The following RC3H1 variants were observed in gnomAD, a reference collection of about 807,000 sequenced individuals.
The protein encoded by RC3H1 is roquin-1.
Under a neutral mutation model 138.2 loss-of-function variants are expected in RC3H1, and 50 were observed. That is an observed-to-expected ratio of 0.36 (90% CI 0.29 to 0.46). The LOEUF is 0.46. Ranked by LOEUF, RC3H1 falls within the 20% of genes least tolerant of loss-of-function variation. The pLI is 1.00. For missense variants in RC3H1, 1,031 were observed against 1,388.1 expected, an observed-to-expected ratio of 0.74 and a Z score of 4.09; for synonymous variants, 462 against 489.1, an observed-to-expected ratio of 0.94 and a Z score of 0.73.
chr1:173,962,932 A>G (rs1006518846), intron 11 of RC3H1, among the ~76,000 whole-genome samples: 1 of 152,208 alleles, frequency 6.6e-6, no homozygotes, highest in Non-Finnish European at 1.5e-5. Context: ...AATGTAGAGA[A>G]GACAACATGA....
rs1309938693 is a variant in RC3H1 at position 173,936,797 on chromosome 1, T to G, written c.*1924A>C. ...TTTTTTTAAAAAAAGAAGACAAATG[T>G]ATAAGAAAACTGGAAAAAAAAAAAG... On this transcript the variant is annotated 3_prime_UTR_variant, in exon 20 of 20. Coordinates refer to ENST00000367696, the MANE Select transcript of RC3H1 (RefSeq NM_172071.4). 2.5e-5 allele frequency: 3 copies of G among 119,542 alleles called. No individual in the cohort carries two copies. The highest frequency in any genetic ancestry group is 3.5e-5 in the Non-Finnish European group (2 of 57,836). 7.4% of individuals were successfully genotyped at this position (119,542 alleles called of 1,614,324 possible).
chr1:174,007,481 T>A (rs1661676130), intron 1 of RC3H1, among the ~76,000 whole-genome samples: 1 of 152,140 alleles, frequency 6.6e-6, no homozygotes, highest in Non-Finnish European at 1.5e-5. Context: ...TGTTGTTATT[T>A]GAGTCAGGGT....
At chr1:173,971,916 A>G (rs1660374712) in intron 8 of RC3H1, among the ~76,000 whole-genome samples, 1 of 152,222 alleles carries the variant, frequency 6.6e-6, no homozygotes, top group South Asian at 2.1e-4. Context: ...TAATGAACCT[A>G]ATATAAATCC....
At chr1:173,971,785 A>G (rs920694235) in intron 8 of RC3H1, among the ~76,000 whole-genome samples, 2 of 152,182 alleles carry the variant, frequency 1.3e-5, no homozygotes, top group African/African-American at 4.8e-5. Context: ...TTAGCAGGAT[A>G]ATTTTTATAT....
intron 1 of RC3H1, among the ~76,000 whole-genome samples, chr1:173,996,202 C>T (rs1312722286): frequency 6.6e-6 from 1 of 151,682 alleles, no homozygotes; most frequent in African/African-American, 2.4e-5. Flanking sequence ...TGCAGTGAGC[C>T]GAAATCACGC....
At chr1:173,964,681 T>C (rs1364907096) in intron 10 of RC3H1, among the ~76,000 whole-genome samples, 158 bp downstream of exon 10, 1 of 151,778 alleles carries the variant, frequency 6.6e-6, no homozygotes, top group Non-Finnish European at 1.5e-5. Flanking sequence ...TAATTGTTTC[T>C]TAAAAAACAC....
Position 173,948,409 on chromosome 1 carries a change from G to T in RC3H1, c.2524-827C>A, listed in dbSNP as rs568884018. ...TAATAAAAGCCAATTCAATCTTGAA[G>T]AAATATATATATATATATAATGACC... On this transcript the variant is annotated intron_variant, in intron 14 of 19. Transcript: ENST00000367696. Among the ~76,000 whole-genome samples the T allele has an allele frequency of 1.1e-3, 139 of 127,820 alleles. 1 individual carries two copies. Among genetic ancestry groups the T allele is most frequent in the Middle Eastern group, 3.6e-3 (1 of 276 alleles). 83.9% of individuals were successfully genotyped at this position (127,820 alleles called of 152,430 possible).
intron 1 of RC3H1, among the ~76,000 whole-genome samples, chr1:174,005,981 G>A (rs895867191): frequency 2.6e-5 from 4 of 152,096 alleles, no homozygotes; most frequent in Non-Finnish European, 5.9e-5. Context: ...CAAGGCAGGT[G>A]GATCACCTGA....
intron 13 of RC3H1, among the ~76,000 whole-genome samples, chr1:173,952,402 TAAAA>T (rs35197109): frequency 4.2e-5 from 2 of 47,206 alleles, no homozygotes; most frequent in Non-Finnish European, 8.3e-5. Context: ...TAGCAGAAGG[TAAAA>T]AAAAAAAAAA....
In RC3H1 at chr1:174,022,176, C is replaced by T; in HGVS notation, c.-231G>A. The T allele has an allele frequency of 5.1e-6, 2 of 395,074 alleles. No homozygotes were observed. The highest frequency in any genetic ancestry group is 8.9e-6 in the Non-Finnish European group (2 of 224,222). The allele number at this position is 395,074 out of a possible 1,614,324, so 24.5% of individuals were successfully genotyped here. ...CCGCCGCGGCAGCCGCCGCCGCCGC[C>T]GAGGCCACCGTTGACTCTGATTCTG... On this transcript the variant is annotated 5_prime_UTR_variant, in exon 1 of 20. Coordinates refer to ENST00000367696, the MANE Select transcript of RC3H1 (RefSeq NM_172071.4). This position sits in a 1 kb window ranked among gnomAD's most constrained non-coding sequence, Gnocchi z 4.2.
chr1:173,933,224 A>G lies in RC3H1; in HGVS notation c.*5497T>C, dbSNP rs1658455140. The G allele has an allele frequency of 6.6e-6, 1 of 152,172 alleles. No homozygotes were observed. The highest frequency in any genetic ancestry group is 2.4e-5 in the African/African-American group (1 of 41,452). The allele number at this position is 152,172 out of a possible 1,614,324, so 9.4% of individuals were successfully genotyped here. On this transcript the variant is annotated 3_prime_UTR_variant, in exon 20 of 20. Coordinates refer to ENST00000367696, the MANE Select transcript of RC3H1 (RefSeq NM_172071.4). ...TAGGGATGTTTCAGGGATAAAGTTT[A>G]GGAGAAATTCAGTGTTTGGCTGAAA... is the stretch of plus-strand genomic sequence containing the variant.
At chr1:173,966,702 G>A (rs1043953700) in intron 9 of RC3H1, among the ~76,000 whole-genome samples, 17 of 150,936 alleles carry the variant, frequency 1.1e-4, no homozygotes, top group Non-Finnish European at 2.1e-4. Flanking sequence ...GCGACAGAGC[G>A]AGACCCTGTC....
Position 173,947,357 on chromosome 1 carries a change from T to G in RC3H1, c.2737+12A>C. 1.3e-5 allele frequency: 20 copies of G among 1,591,822 alleles called. No homozygotes were observed. The highest frequency in any genetic ancestry group is 2.7e-5 in the African/African-American group (2 of 74,566). On this transcript the variant is annotated intron_variant, in intron 15 of 19. Transcript: ENST00000367696. Reference sequence around the variant, plus strand: ...TGAACCCTTTAGGTCAGCTTACCTCTGAGATTCTTACCTGAAATGTTAATA... The same window carrying G: ...TGAACCCTTTAGGTCAGCTTACCTCGGAGATTCTTACCTGAAATGTTAATA...
At chr1:173,975,296 A>G (rs1320597461) in intron 7 of RC3H1, among the ~76,000 whole-genome samples, 1 of 151,940 alleles carries the variant, frequency 6.6e-6, no homozygotes, top group Non-Finnish European at 1.5e-5. Context: ...GGGTTTCACC[A>G]TGTTGGCCAG....
At chr1:173,940,309 T>C (rs932081511) in intron 19 of RC3H1, among the ~76,000 whole-genome samples, 14 of 152,160 alleles carry the variant, frequency 9.2e-5, no homozygotes, top group African/African-American at 2.9e-4. Flanking sequence ...CTGTCTCTAC[T>C]AAAAATACAA....
intron 6 of RC3H1, among the ~76,000 whole-genome samples, 179 bp from the exon 7 acceptor site, chr1:173,978,799 C>T (rs1023467419): frequency 6.6e-6 from 1 of 152,174 alleles, no homozygotes; most frequent in East Asian, 1.9e-4. Flanking sequence ...TTCTCTGCAT[C>T]CAGAGCTTGG....
intron 2 of RC3H1, among the ~76,000 whole-genome samples, chr1:173,989,095 C>T (rs1041024320): frequency 6.6e-6 from 1 of 152,190 alleles, no homozygotes; most frequent in Admixed American, 6.5e-5. Flanking sequence ...GTGCTGCGAT[C>T]GAGGCTCACT....
At chr1:174,004,828 A>AT (rs1302323675) in intron 1 of RC3H1, among the ~76,000 whole-genome samples, 5 of 151,838 alleles carry the variant, frequency 3.3e-5, no homozygotes, top group African/African-American at 1.2e-4. Flanking sequence ...GCCAGGGAAG[A>AT]TAGGGTCTTA....
chr1:173,988,483 T>C (rs1337813305), intron 2 of RC3H1, among the ~76,000 whole-genome samples: 1 of 152,234 alleles, frequency 6.6e-6, no homozygotes, highest in African/African-American at 2.4e-5. Context: ...CATTCACCTA[T>C]TAAAAGATAT....
Sources: gnomAD v4.1 joint callset for allele counts (sites outside exome capture counted in the v4.1 genomes callset) on GRCh38, gnomAD v4.1.1 for gene constraint, Gnocchi (gnomAD v3.1) non-coding constraint, MANE v1.5 for transcripts, NCBI Gene and HGNC (gene_info 2026-07-23, HGNC 2026-07-21) for gene names.